Variants in PTPRA observed in about 807,000 individuals in gnomAD.
The protein encoded by PTPRA is receptor-type tyrosine-protein phosphatase alpha.
PTPRA carries 25 observed loss-of-function variants against 104.8 expected under a neutral mutation model. That is an observed-to-expected ratio of 0.24 (90% confidence interval 0.17 to 0.33). The LOEUF is 0.33. PTPRA is among the 10% of genes least tolerant of loss of function. PTPRA has a pLI of 1.00. For missense variants in PTPRA, 765 were observed against 1,015.3 expected (o/e 0.75, Z 3.35); for synonymous variants, 323 against 368.9 (o/e 0.88, Z 1.43).
chr20:2,865,492 C>T, the PTPRA span: 1 of 1,613,450 alleles, frequency 6.2e-7, no homozygotes, highest in Non-Finnish European at 8.5e-7. The surrounding 1 kb of genome is among the most constrained non-coding windows in gnomAD (Gnocchi z 5.2). Context: ...CCATTGGCTA[C>T]CTGGTGAGGC....
At chr20:2,989,036 A>T (rs1446777697) in intron 9 of PTPRA, among the ~76,000 whole-genome samples, 1 of 152,264 alleles carries the variant, frequency 6.6e-6, no homozygotes, top group Non-Finnish European at 1.5e-5. Context: ...CACAGGTCTC[A>T]TCTTGAGTAT....
chr20:2,962,841 T>G (rs1289822504), intron 3 of PTPRA, among the ~76,000 whole-genome samples: 1 of 151,922 alleles, frequency 6.6e-6, no homozygotes, highest in Admixed American at 6.6e-5. Context: ...ACTCCTGGAG[T>G]ATATATGAAC....
rs139298710 is a variant in PTPRA, at chr20:2,983,860, T to C, written c.443-2905T>C. On this transcript the variant is annotated intron_variant, in intron 6 of 23. Coordinates refer to ENST00000399903, the MANE Select transcript of PTPRA (RefSeq NM_001385305.1). The stretch of plus-strand genomic sequence containing the variant: ...GAGGTCTGATCAAGCAAAGCAACTG[T>C]GGGAATTGCTAGCATGGCATTTATA... Among the ~76,000 whole-genome samples, 14 of 152,178 alleles carry C rather than the reference T, an allele frequency of 9.2e-5. No homozygotes were observed. The East Asian group carries it at 2.1e-3, about 23-fold the overall frequency.
Position 2,975,215 on chromosome 20 carries a change from G to T in PTPRA, c.416G>T (p.Gly139Val). ...ATTPETFPPS[G>V]NSDSKDRRDE... is the part of the protein sequence containing the mutation. Reference sequence around the variant, plus strand: ...TTTCTATTTTTTACTTATTACACAGGTAATTCTGACTCGAAGGACAGAAGA... The same window carrying T: ...TTTCTATTTTTTACTTATTACACAGTTAATTCTGACTCGAAGGACAGAAGA... Residue 139 changes from glycine to valine, a missense_variant and splice_region_variant, in exon 6 of 24, where the codon GGT becomes GTT. Gly to Val is a moderately radical substitution (Grantham distance 109). Coordinates refer to ENST00000399903, the MANE Select transcript of PTPRA (RefSeq NM_001385305.1). 1 of 1,593,094 alleles carries T rather than the reference G, an allele frequency of 6.3e-7. No individual in the cohort carries two copies.
intron 11 of PTPRA, among the ~76,000 whole-genome samples, chr20:3,010,083 C>G (rs1272814957): frequency 6.6e-6 from 1 of 151,978 alleles, no homozygotes; most frequent in Non-Finnish European, 1.5e-5. Flanking sequence ...CTCTGAGCCT[C>G]AAGTGATCCA....
intron 1 of PTPRA, among the ~76,000 whole-genome samples, chr20:2,917,162 G>A (rs1197910904): frequency 6.6e-6 from 1 of 151,878 alleles, no homozygotes; most frequent in African/African-American, 2.4e-5. Flanking sequence ...TCAGCATGTT[G>A]GCCAGGCTGG....
the PTPRA span, chr20:2,864,307 G>T: frequency 9.3e-6 from 15 of 1,613,838 alleles, no homozygotes; most frequent in Admixed American, 1.7e-5. The surrounding 1 kb of genome is among the most constrained non-coding windows in gnomAD (Gnocchi z 5.2). Flanking sequence ...AGGCTGGGGG[G>T]CCCCTGGGCT....
At chr20:2,985,045 T>C (rs2062843824) in intron 6 of PTPRA, among the ~76,000 whole-genome samples, 1 of 152,240 alleles carries the variant, frequency 6.6e-6, no homozygotes. Flanking sequence ...ATGGAAGCTT[T>C]CTATCACTTG....
rs538998729 is a variant in PTPRA, at chr20:2,965,122, A to G, written c.335A>G (p.Gln112Arg). ...AATGGAACGTGGCTTCCAGATAACC[A>G]GTTCACGGATGCCAGAACAGAACCC... ...SPNGTWLPDN[Q>R]FTDARTEPWE... The change falls in exon 5 of 24, where the codon CAG becomes CGG. Residue 112 changes from glutamine to arginine, a missense_variant. Physicochemically the swap from Gln to Arg is conservative, Grantham distance 43. This residue lies in a region of PTPRA where 256 missense variants were observed against 248.9 expected (regional missense o/e 1.03). Transcript: ENST00000399903. 2 of 1,614,170 alleles carry G rather than the reference A, an allele frequency of 1.2e-6. No individual in the cohort carries two copies. Among genetic ancestry groups the G allele is most frequent in the African/African-American group, 1.3e-5 (1 of 75,050 alleles).
chr20:2,913,602 T>G (rs1326936859), intron 1 of PTPRA, among the ~76,000 whole-genome samples: 2 of 152,186 alleles, frequency 1.3e-5, no homozygotes, highest in Non-Finnish European at 2.9e-5. Context: ...GGACCTGATG[T>G]TTCTTCATCT....
chr20:2,977,414 G>A (rs1237219627), intron 6 of PTPRA, among the ~76,000 whole-genome samples: 1 of 152,040 alleles, frequency 6.6e-6, no homozygotes, highest in East Asian at 1.9e-4. Flanking sequence ...GGGAGGCTGA[G>A]GCAGGTGGAT....
At chr20:2,997,093 G>A (rs992112840) in intron 9 of PTPRA, among the ~76,000 whole-genome samples, 2 of 152,008 alleles carry the variant, frequency 1.3e-5, no homozygotes, top group Non-Finnish European at 2.9e-5. Flanking sequence ...TAAAATAAAT[G>A]TGTTCACATA....
chr20:2,937,612 T>C (rs2060754753), intron 2 of PTPRA, among the ~76,000 whole-genome samples: 2 of 152,220 alleles, frequency 1.3e-5, no homozygotes, highest in South Asian at 4.1e-4. Flanking sequence ...GCATAACATA[T>C]ATATGGATAT....
rs753226696 is a variant in PTPRA at position 3,024,440 on chromosome 20, A to C, written c.1465-32A>C. The C allele has an allele frequency of 4.4e-6, 7 of 1,601,876 alleles. No individual in the cohort carries two copies. In the African/African-American group the frequency reaches 9.4e-5, roughly 21 times the overall value. On this transcript the variant is annotated intron_variant, in intron 16 of 23. Transcript: ENST00000399903. ...CTGGCATGAGAACTATGTTGTATGT[A>C]ACCAAGAACTTCTGTGTCATTCATG...
chr20:2,885,916 T>C (rs745845677), intron 1 of PTPRA, among the ~76,000 whole-genome samples: 1 of 151,432 alleles, frequency 6.6e-6, no homozygotes, highest in Non-Finnish European at 1.5e-5. Flanking sequence ...ATACAAAAAT[T>C]AGCTGGGCGT....
chr20:3,001,041 G>T (rs545421141), intron 9 of PTPRA, among the ~76,000 whole-genome samples: 8 of 152,218 alleles, frequency 5.3e-5, no homozygotes, highest in African/African-American at 1.7e-4. Context: ...AAATGAATGA[G>T]TACTTAGCCT....
At chr20:2,975,953 CTT>C (rs1236647046) in intron 6 of PTPRA, among the ~76,000 whole-genome samples, 2 of 152,096 alleles carry the variant, frequency 1.3e-5, no homozygotes, top group Non-Finnish European at 2.9e-5. Flanking sequence ...TCAAATCAGA[CTT>C]GAGTTTTTTT....
At position 3,037,912 on chromosome 20, in the gene PTPRA, C is replaced by T. The variant is rs1568714188; in HGVS notation, c.2335-147C>T. 1.5e-6 allele frequency: 1 copy of T among 677,292 alleles called. No individual in the cohort carries two copies. The highest frequency in any genetic ancestry group is 2.6e-6 in the Non-Finnish European group (1 of 388,724). 42.0% of individuals were successfully genotyped at this position (677,292 alleles called of 1,614,324 possible). On this transcript the variant is annotated intron_variant, in intron 23 of 23. Coordinates refer to ENST00000399903, the MANE Select transcript of PTPRA (RefSeq NM_001385305.1). The surrounding 1 kb of genome is among the most constrained non-coding windows in gnomAD (Gnocchi z 4.3). Reference sequence around the variant, plus strand: ...AAGGGGAATGCTGTCAGAACTCTGGCAGGCAGATCAGAGCTCAGGTGAAAG... The same window carrying T: ...AAGGGGAATGCTGTCAGAACTCTGGTAGGCAGATCAGAGCTCAGGTGAAAG...
At chr20:2,891,950 T>C (rs1309574824) in intron 1 of PTPRA, among the ~76,000 whole-genome samples, 3 of 152,134 alleles carry the variant, frequency 2.0e-5, no homozygotes, top group African/African-American at 4.8e-5. Context: ...TTTATGGTTT[T>C]ATTTGTTTAT....
Sources: allele counts gnomAD v4.1 joint callset (sites outside exome capture counted in the v4.1 genomes callset), GRCh38; gene constraint gnomAD v4.1.1; regional missense constraint gnomAD v4.1.1; non-coding constraint Gnocchi (gnomAD v3.1); transcripts MANE v1.5; gene names NCBI Gene and HGNC (gene_info 2026-07-23, HGNC 2026-07-21).